Variants in ELFN2 observed in about 807,000 individuals in gnomAD.
ELFN2 encodes the protein protein phosphatase 1 regulatory subunit 29.
A neutral mutation model predicts 45.5 loss-of-function variants in ELFN2; 17 were observed. That is an observed-to-expected ratio of 0.37 (90% CI 0.26 to 0.56). ELFN2 has a LOEUF of 0.56. ELFN2 is among the 20% of genes least tolerant of loss of function. ELFN2 has a pLI of 0.77. For synonymous variants in ELFN2, 550 were observed against 551.5 expected, an observed-to-expected ratio of 1.00 and a Z score of 0.04; for missense variants, 922 against 1,183.2, an observed-to-expected ratio of 0.78 and a Z score of 3.24.
chr22:37,393,960 C>A (rs1601758341), intron 2 of ELFN2, among the ~76,000 whole-genome samples: 1 of 152,188 alleles, frequency 6.6e-6, no homozygotes, highest in Admixed American at 6.5e-5. Context: ...CGTGATGATG[C>A]CACCGCCAGC....
rs182744776 is a variant in ELFN2, at chr22:37,409,810, C to T, written c.-463+7959G>A. Among the ~76,000 whole-genome samples, 6 of 152,258 alleles carry T rather than the reference C, an allele frequency of 3.9e-5. No homozygotes were observed. The East Asian group carries it at 5.8e-4, about 15-fold the overall frequency. ...GGGTGCTCAGGGTGCAATCAGGGGC[C>T]GCAGGAGGGTGCAGGGCCAGCTGCG... is the stretch of plus-strand genomic sequence containing the variant. On this transcript the variant is annotated intron_variant, in intron 2 of 2. Transcript: ENST00000402918.
intron 2 of ELFN2, among the ~76,000 whole-genome samples, chr22:37,393,371 C>T (rs1182971311): frequency 1.3e-5 from 2 of 152,240 alleles, no homozygotes; most frequent in Non-Finnish European, 2.9e-5. Context: ...GCTTTGCAGT[C>T]AGTGGGCCTC....
intron 2 of ELFN2, among the ~76,000 whole-genome samples, chr22:37,413,907 G>A (rs1008914269): frequency 2.6e-5 from 4 of 152,186 alleles, no homozygotes; most frequent in African/African-American, 9.7e-5. Context: ...AGGCCTCCCA[G>A]CAAGGTGGTA....
At chr22:37,415,771 G>A (rs1601770937) in intron 2 of ELFN2, among the ~76,000 whole-genome samples, 1 of 152,196 alleles carries the variant, frequency 6.6e-6, no homozygotes, top group Non-Finnish European at 1.5e-5. Flanking sequence ...AACCATCCTG[G>A]CTAACACCGT....
downstream of ELFN2, among the ~76,000 whole-genome samples, chr22:37,364,027 G>A (rs547652117): frequency 3.9e-4 from 60 of 152,346 alleles, no homozygotes; most frequent in Admixed American, 7.8e-4. Context: ...CCAGGAAGCT[G>A]CAGATGGGAC....
intron 1 of ELFN2, among the ~76,000 whole-genome samples, chr22:37,357,270 G>A (rs1041394990): frequency 6.6e-6 from 1 of 152,158 alleles, no homozygotes; most frequent in Non-Finnish European, 1.5e-5. Context: ...CAGAACTTGA[G>A]TACGGGGCCT....
At chr22:37,407,134 C>T (rs941609772) in intron 2 of ELFN2, among the ~76,000 whole-genome samples, 16 of 151,870 alleles carry the variant, frequency 1.1e-4, no homozygotes, top group South Asian at 4.2e-4. Flanking sequence ...TGTGTGTGTG[C>T]GTGTGTGTGT....
downstream of ELFN2, among the ~76,000 whole-genome samples, chr22:37,364,365 C>T (rs529115258): frequency 1.1e-4 from 17 of 152,288 alleles, no homozygotes; most frequent in East Asian, 3.1e-3. Context: ...ACAAGGGCTG[C>T]CAGGAAAGAG....
intron 1 of ELFN2, among the ~76,000 whole-genome samples, chr22:37,426,568 C>A (rs1344882533): frequency 1.3e-5 from 2 of 151,096 alleles, no homozygotes; most frequent in African/African-American, 2.4e-5. Context: ...ACACACCCAC[C>A]CCCTCCCCGT....
chr22:37,413,775 ATTTCT>A (rs1932712769), intron 2 of ELFN2, among the ~76,000 whole-genome samples: 1 of 152,168 alleles, frequency 6.6e-6, no homozygotes, highest in African/African-American at 2.4e-5. Context: ...ATCTGGATTG[ATTTCT>A]TTTGACAATT....
rs1932043802 is a variant in ELFN2, at chr22:37,389,679, G to A, written c.-462-13683C>T. On this transcript the variant is annotated intron_variant, in intron 2 of 2. Transcript: ENST00000402918. ...GTGATGCACTTGAACCCGGGTCTCT[G>A]CTGCATCCAGCCCACCAAGCAGCTT... 1.3e-5 allele frequency among the ~76,000 whole-genome samples: 2 copies of A among 152,080 alleles called. 1 individual carries two copies. Among genetic ancestry groups the A allele is most frequent in the South Asian group, 4.1e-4 (2 of 4,832 alleles).
chr22:37,413,569 A>G (rs567870658), intron 2 of ELFN2, among the ~76,000 whole-genome samples: 19 of 102,214 alleles, frequency 1.9e-4, no homozygotes, highest in Admixed American at 9.9e-4. Flanking sequence ...CAGCCTGTCT[A>G]AAAAAAAAAA....
At position 37,409,705 on chromosome 22, in the gene ELFN2, C is replaced by T. The variant is rs561294512; in HGVS notation, c.-463+8064G>A. On this transcript the variant is annotated intron_variant, in intron 2 of 2. Coordinates refer to ENST00000402918, the MANE Select transcript of ELFN2 (RefSeq NM_052906.5). Reference sequence around the variant, plus strand: ...AGAAAAAGTGCAAACAGCCCAGGCACTCACAACAGGGAAATGTCCTTTCAA... The same window carrying T: ...AGAAAAAGTGCAAACAGCCCAGGCATTCACAACAGGGAAATGTCCTTTCAA... Among the ~76,000 whole-genome samples the T allele has an allele frequency of 2.0e-4, 30 of 152,366 alleles. No individual in the cohort carries two copies. In the South Asian group the frequency reaches 6.2e-3, roughly 32 times the overall value.
At chr22:37,387,912 T>C (rs1569136511) in intron 2 of ELFN2, among the ~76,000 whole-genome samples, 1 of 151,644 alleles carries the variant, frequency 6.6e-6, no homozygotes, top group Non-Finnish European at 1.5e-5. Flanking sequence ...AACTCACTCG[T>C]CCATGTCCAC....
intron 2 of ELFN2, among the ~76,000 whole-genome samples, chr22:37,380,254 A>G (rs535689894): frequency 1.3e-5 from 2 of 152,236 alleles, no homozygotes; most frequent in Admixed American, 1.3e-4. Flanking sequence ...CCAGCTGGGG[A>G]CGCAGGCAGC....
Position 37,391,694 on chromosome 22 carries a change from G to T in ELFN2, c.-462-15698C>A, listed in dbSNP as rs1381143459. Among the ~76,000 whole-genome samples, 3 of 152,332 alleles carry T rather than the reference G, an allele frequency of 2.0e-5. No homozygotes were observed. In the South Asian group the frequency reaches 6.2e-4, roughly 32 times the overall value. On this transcript the variant is annotated intron_variant, in intron 2 of 2. Coordinates refer to ENST00000402918, the MANE Select transcript of ELFN2 (RefSeq NM_052906.5). The stretch of plus-strand genomic sequence containing the variant: ...CCCCGAAGGCCAGGCATAGGTGAAG[G>T]GACAGTGTCCCACTTCCTCATCAGA...
intron 2 of ELFN2, among the ~76,000 whole-genome samples, chr22:37,402,556 G>T (rs754029559): frequency 6.6e-6 from 1 of 152,192 alleles, no homozygotes; most frequent in Non-Finnish European, 1.5e-5. Flanking sequence ...TAAGGAAACC[G>T]AGGCTCATGA....
chr22:37,421,944 G>A (rs909883634), intron 1 of ELFN2, among the ~76,000 whole-genome samples: 1 of 152,198 alleles, frequency 6.6e-6, no homozygotes, highest in Non-Finnish European at 1.5e-5. Context: ...AGGGGGAGAA[G>A]GATAATAGAT....
rs1160323168 is a variant in ELFN2, at chr22:37,375,596, G to A, written c.-62C>T. On this transcript the variant is annotated 5_prime_UTR_variant, in exon 3 of 3. Transcript: ENST00000402918. The stretch of plus-strand genomic sequence containing the variant: ...GGGGGTGCCTAGCGGCCAGAGGCTG[G>A]GGCTGGCAGTACAGTCCTCCCTGGG... 14 of 1,476,728 alleles carry A rather than the reference G, an allele frequency of 9.5e-6. No homozygotes were observed. The highest frequency in any genetic ancestry group is 1.3e-5 in the Non-Finnish European group (14 of 1,113,070). The allele number at this position is 1,476,728 out of a possible 1,614,324, so 91.5% of individuals were successfully genotyped here. A position where few individuals can be genotyped will look rare whatever the true frequency, so the allele number is the denominator to read the frequency against.
Sources: allele counts gnomAD v4.1 joint callset (sites outside exome capture counted in the v4.1 genomes callset), GRCh38; gene constraint gnomAD v4.1.1; transcripts MANE v1.5; gene names NCBI Gene and HGNC (gene_info 2026-07-23, HGNC 2026-07-21).